The following CHST9 variants were observed in gnomAD, a reference collection of about 807,000 sequenced individuals.
The protein encoded by CHST9 is carbohydrate sulfotransferase 9, also known as GalNAc-4-sulfotransferase 2.
CHST9 carries 41 observed loss-of-function variants against 44.4 expected under a neutral mutation model. The observed-to-expected ratio is 0.92, with a 90% CI of 0.72 to 1.20. The LOEUF (loss-of-function observed/expected upper bound fraction) is 1.20, where lower values mean the gene tolerates loss of function less well. CHST9 is among the 50% of genes most tolerant of loss of function. The pLI is 0.00. For synonymous variants in CHST9, 171 were observed against 178.4 expected (o/e 0.96, Z 0.33); for missense variants, 504 against 516.5 (o/e 0.98, Z 0.23).
chr18:27,070,511 C>T (rs992620774), intron 2 of CHST9, among the ~76,000 whole-genome samples: 7 of 152,274 alleles, frequency 4.6e-5, no homozygotes, highest in African/African-American at 1.7e-4. Flanking sequence ...ACCTTTTAGC[C>T]TGCCATTTAA....
At chr18:26,975,719 GTGTGTGTATATATA>G (rs2056612836) in intron 4 of CHST9, among the ~76,000 whole-genome samples, 1 of 83,308 alleles carries the variant, frequency 1.2e-5, no homozygotes, top group African/African-American at 4.4e-5. Flanking sequence ...ATGTGTGTGT[GTGTGTGTATATATA>G]TATATATATA....
intron 2 of CHST9, among the ~76,000 whole-genome samples, chr18:27,117,321 C>G (rs2058333934): frequency 6.6e-6 from 1 of 151,900 alleles, no homozygotes; most frequent in South Asian, 2.1e-4. Flanking sequence ...CCATATACCC[C>G]CTGCCCCACA....
intron 3 of CHST9, among the ~76,000 whole-genome samples, chr18:27,028,751 T>C (rs2057309583): frequency 6.6e-6 from 1 of 152,046 alleles, no homozygotes; most frequent in South Asian, 2.1e-4. Flanking sequence ...GGTTTCACCA[T>C]GTTAGCCAGG....
intron 2 of CHST9, among the ~76,000 whole-genome samples, chr18:27,070,617 T>A (rs969936034): frequency 2.6e-5 from 4 of 152,234 alleles, no homozygotes; most frequent in African/African-American, 9.6e-5. Context: ...TATTGAGACT[T>A]ACCATATGTC....
chr18:27,124,398 T>C (rs2058402054), intron 2 of CHST9, among the ~76,000 whole-genome samples: 1 of 152,240 alleles, frequency 6.6e-6, no homozygotes, highest in Non-Finnish European at 1.5e-5. Flanking sequence ...TATTTAAATA[T>C]CAATGGGTAG....
chr18:27,058,070 A>G (rs1327313932), intron 2 of CHST9, among the ~76,000 whole-genome samples: 5 of 152,194 alleles, frequency 3.3e-5, no homozygotes, highest in Non-Finnish European at 5.9e-5. Flanking sequence ...TTTTTGGAAG[A>G]CCTTTAGAGG....
intron 4 of CHST9, among the ~76,000 whole-genome samples, chr18:26,967,658 A>G (rs2056484557): frequency 6.6e-6 from 1 of 152,208 alleles, no homozygotes; most frequent in Admixed American, 6.5e-5. Flanking sequence ...TTATGTGGCC[A>G]AAAGGTGTGT....
At chr18:27,101,408 G>A (rs1429938084) in intron 2 of CHST9, among the ~76,000 whole-genome samples, 1 of 151,612 alleles carries the variant, frequency 6.6e-6, no homozygotes, top group Non-Finnish European at 1.5e-5. Context: ...TGGCTAACAC[G>A]GTGAAACCCC....
chr18:26,929,859 C>T (rs971417332), intron 5 of CHST9, among the ~76,000 whole-genome samples: 9 of 152,094 alleles, frequency 5.9e-5, no homozygotes, highest in African/African-American at 1.7e-4. Flanking sequence ...GGGGCTATGA[C>T]GTAAGTGACA....
chr18:27,060,197 C>T (rs1371027088), intron 2 of CHST9, among the ~76,000 whole-genome samples: 1 of 152,114 alleles, frequency 6.6e-6, no homozygotes, highest in African/African-American at 2.4e-5. Flanking sequence ...AAGAAATTCA[C>T]AGTCAAGGTT....
chr18:27,058,437 G>A (rs1218499693), intron 2 of CHST9, among the ~76,000 whole-genome samples: 1 of 152,092 alleles, frequency 6.6e-6, no homozygotes, highest in Non-Finnish European at 1.5e-5. Flanking sequence ...TCGAATCTCT[G>A]CAGGCCTAGT....
At chr18:27,147,450 A>G (rs1201497307) in intron 1 of CHST9, among the ~76,000 whole-genome samples, 2 of 152,152 alleles carry the variant, frequency 1.3e-5, no homozygotes, top group Non-Finnish European at 2.9e-5. Context: ...TTAGCAGAAA[A>G]GAAACCAGGA....
At chr18:26,976,020 A>G (rs1440189302) in intron 4 of CHST9, among the ~76,000 whole-genome samples, 3 of 151,636 alleles carry the variant, frequency 2.0e-5, no homozygotes, top group African/African-American at 7.3e-5. Context: ...CAATCTTCTC[A>G]TGGGTGGGAG....
intron 4 of CHST9, among the ~76,000 whole-genome samples, chr18:26,949,383 CT>C (rs35343773): frequency 1.2e-4 from 18 of 149,402 alleles, no homozygotes; most frequent in Non-Finnish European, 1.8e-4. Context: ...CTCATCTCTA[CT>C]TTTTTTTTTA....
At chr18:27,077,770 A>C (rs1013430568) in intron 2 of CHST9, among the ~76,000 whole-genome samples, 8 of 152,226 alleles carry the variant, frequency 5.3e-5, no homozygotes, top group Non-Finnish European at 1.2e-4. Context: ...ACAGAAAAAT[A>C]TACAAATTGT....
In CHST9 at chr18:27,094,342, T is replaced by C. The variant is rs1002934226; in HGVS notation, c.122-45839A>G. Among the ~76,000 whole-genome samples the C allele has an allele frequency of 3.9e-5, 6 of 152,318 alleles. No individual in the cohort carries two copies. In the East Asian group the frequency reaches 1.2e-3, roughly 29 times the overall value. On this transcript the variant is annotated intron_variant, in intron 2 of 5. Transcript: ENST00000618847. ...ATCTTAACTCTCATTTGTTTATTGTTGGTGTTTTATATATACAAAATAGCA... is the reference window on the plus strand; with the variant it reads ...ATCTTAACTCTCATTTGTTTATTGTCGGTGTTTTATATATACAAAATAGCA...
chr18:27,003,266 C>A lies in CHST9; in HGVS notation c.202+20850G>T, dbSNP rs1002450774. Among the ~76,000 whole-genome samples, 4 of 152,040 alleles carry A rather than the reference C, an allele frequency of 2.6e-5. No individual in the cohort carries two copies. The South Asian group carries it at 8.3e-4, about 32-fold the overall frequency. ...GAAAAACTGATGATGTGTAGACTTT[C>A]CCATGACCACATGGCGAGTCAGGGG... is the stretch of plus-strand genomic sequence containing the variant. On this transcript the variant is annotated intron_variant, in intron 4 of 5. Coordinates refer to ENST00000618847, the MANE Select transcript of CHST9 (RefSeq NM_031422.6).
intron 2 of CHST9, among the ~76,000 whole-genome samples, chr18:27,096,369 G>T (rs1382336128): frequency 6.6e-6 from 1 of 151,224 alleles, no homozygotes; most frequent in Non-Finnish European, 1.5e-5. Context: ...AAATTTCAAG[G>T]AACTAGAAAA....
intron 2 of CHST9, among the ~76,000 whole-genome samples, chr18:27,049,980 GCAGGCTCCGGTACCA>G (rs1253642081): frequency 6.6e-6 from 1 of 152,136 alleles, no homozygotes; most frequent in African/African-American, 2.4e-5. Context: ...TCAACAAAGT[GCAGGCTCCGGTACCA>G]CAAATCAAGT....
Sources: allele counts gnomAD v4.1 joint callset (sites outside exome capture counted in the v4.1 genomes callset), GRCh38; gene constraint gnomAD v4.1.1; transcripts MANE v1.5; gene names NCBI Gene and HGNC (gene_info 2026-07-23, HGNC 2026-07-21).